The following ATRN variants were observed in gnomAD, a reference collection of about 807,000 sequenced individuals.
ATRN encodes the protein attractin-2.
A neutral mutation model predicts 178.7 loss-of-function variants in ATRN; 54 were observed. That is an observed-to-expected ratio of 0.30 (90% CI 0.24 to 0.38). The LOEUF is 0.38. Ranked by LOEUF, ATRN falls within the 10% of genes least tolerant of loss-of-function variation. ATRN has a pLI of 1.00. For missense variants in ATRN, 1,443 were observed against 1,815.1 expected, an observed-to-expected ratio of 0.79 and a Z score of 3.73; for synonymous variants, 636 against 663.0, an observed-to-expected ratio of 0.96 and a Z score of 0.63.
chr20:3,618,856 T>G (rs936780441), intron 24 of ATRN, among the ~76,000 whole-genome samples: 1 of 152,124 alleles, frequency 6.6e-6, no homozygotes, highest in Non-Finnish European at 1.5e-5. Flanking sequence ...TTGTTTCGTT[T>G]TTTAAGAAAA....
chr20:3,498,612 G>A (rs956433733), intron 1 of ATRN, among the ~76,000 whole-genome samples: 33 of 152,086 alleles, frequency 2.2e-4, no homozygotes, highest in African/African-American at 7.0e-4. Flanking sequence ...TGCAGAAAAG[G>A]CCTTTGACAA....
chr20:3,570,911 A>C (rs1371262024), intron 11 of ATRN, among the ~76,000 whole-genome samples: 2 of 152,196 alleles, frequency 1.3e-5, no homozygotes, highest in Non-Finnish European at 2.9e-5. Flanking sequence ...GGTTAAAGAG[A>C]AACTGTGGTG....
At chr20:3,565,796 CAAAAAAAAAAAAAA>C (rs10582104) in intron 11 of ATRN, among the ~76,000 whole-genome samples, 1 of 100,244 alleles carries the variant, frequency 1.0e-5, no homozygotes, top group Non-Finnish European at 2.0e-5. Flanking sequence ...GACTCTGTCT[CAAAAAAAAAAAAAA>C]AAAAAAAAAA....
intron 23 of ATRN, 27 bp downstream of exon 23, chr20:3,601,051 G>A (rs1368074597): frequency 9.7e-6 from 15 of 1,545,594 alleles, no homozygotes; most frequent in South Asian, 4.5e-5. Context: ...AGAAGACCCC[G>A]CAAATGAAGG....
chr20:3,532,727 G>A (rs2085470706), intron 1 of ATRN, among the ~76,000 whole-genome samples: 1 of 151,904 alleles, frequency 6.6e-6, no homozygotes, highest in Non-Finnish European at 1.5e-5. Context: ...TTGCTTATTT[G>A]AGTTGTCCCA....
chr20:3,521,808 G>A (rs925753309), intron 1 of ATRN, among the ~76,000 whole-genome samples: 12 of 152,192 alleles, frequency 7.9e-5, no homozygotes, highest in African/African-American at 2.9e-4. Flanking sequence ...TTTGAAGACA[G>A]GGTCTCGCTT....
chr20:3,543,419 T>C (rs1476472202), intron 3 of ATRN, among the ~76,000 whole-genome samples: 1 of 152,144 alleles, frequency 6.6e-6, no homozygotes, highest in African/African-American at 2.4e-5. Context: ...TAGAGTTCTG[T>C]CTTCATATTA....
intron 18 of ATRN, among the ~76,000 whole-genome samples, chr20:3,589,105 C>G (rs2086401973): frequency 6.6e-6 from 1 of 151,040 alleles, no homozygotes; most frequent in African/African-American, 2.4e-5. Context: ...GCCTCAGCCC[C>G]CCAAGTAGCT....
At chr20:3,580,622 G>A (rs2086269743) in intron 15 of ATRN, among the ~76,000 whole-genome samples, 1 of 152,200 alleles carries the variant, frequency 6.6e-6, no homozygotes, top group Admixed American at 6.5e-5. Context: ...GTCGAAGACG[G>A]AAGGGCTTTC....
chr20:3,548,355 C>CT (rs1400187526), intron 5 of ATRN, among the ~76,000 whole-genome samples: 1 of 152,084 alleles, frequency 6.6e-6, no homozygotes, highest in Non-Finnish European at 1.5e-5. Flanking sequence ...AATCCCAGCA[C>CT]TTTGGGAGGC....
chr20:3,633,443 C>A (rs921987003), intron 25 of ATRN, among the ~76,000 whole-genome samples: 2 of 152,164 alleles, frequency 1.3e-5, no homozygotes, highest in Non-Finnish European at 2.9e-5. Flanking sequence ...ATGAAGCTGA[C>A]CCCATCCTAC....
intron 24 of ATRN, among the ~76,000 whole-genome samples, chr20:3,612,351 T>A (rs1016009816): frequency 1.3e-5 from 2 of 152,214 alleles, no homozygotes; most frequent in African/African-American, 4.8e-5. Context: ...ACATATTGAA[T>A]AAGTATCCTG....
intron 15 of ATRN, among the ~76,000 whole-genome samples, chr20:3,580,042 A>T (rs998375975): frequency 6.6e-5 from 10 of 152,300 alleles, no homozygotes; most frequent in African/African-American, 2.4e-4. Context: ...GGCTACTGTG[A>T]CCACATTTGG....
chr20:3,509,799 C>G (rs1345267231), intron 1 of ATRN, among the ~76,000 whole-genome samples: 3 of 152,140 alleles, frequency 2.0e-5, no homozygotes, highest in Non-Finnish European at 4.4e-5. Flanking sequence ...CCACCACGCC[C>G]AGCCACAAAT....
At chr20:3,616,702 C>T (rs1276047565) in intron 24 of ATRN, among the ~76,000 whole-genome samples, 1 of 151,992 alleles carries the variant, frequency 6.6e-6, no homozygotes, top group Non-Finnish European at 1.5e-5. Flanking sequence ...AAGTCACCGA[C>T]GATCAGTGTT....
chr20:3,591,397 C>T, intron 19 of ATRN, 91 bp downstream of exon 19: 1 of 1,449,264 alleles, frequency 6.9e-7, no homozygotes, highest in Non-Finnish European at 9.4e-7. Context: ...AAAAAAGCCA[C>T]TTTGTTTTGG....
chr20:3,604,056 C>T (rs1303900110), intron 23 of ATRN, 49 bp from the exon 24 acceptor site: 8 of 1,507,324 alleles, frequency 5.3e-6, no homozygotes, highest in Non-Finnish European at 7.1e-6. Flanking sequence ...TGTTCTCCCC[C>T]TAGCCCCCCA....
intron 1 of ATRN, among the ~76,000 whole-genome samples, chr20:3,531,931 G>T (rs970355392): frequency 1.4e-4 from 22 of 152,068 alleles, no homozygotes; most frequent in Non-Finnish European, 2.1e-4. Flanking sequence ...TTCCCAGCCT[G>T]GACAACATAG....
chr20:3,605,929 A>G (rs1294506988), intron 24 of ATRN, among the ~76,000 whole-genome samples: 1 of 151,688 alleles, frequency 6.6e-6, no homozygotes, highest in African/African-American at 2.4e-5. Context: ...AAAAAAAGCA[A>G]GTTATCACTC....
Sources: allele counts gnomAD v4.1 joint callset (sites outside exome capture counted in the v4.1 genomes callset), GRCh38; gene constraint gnomAD v4.1.1; transcripts MANE v1.5; gene names NCBI Gene and HGNC (gene_info 2026-07-23, HGNC 2026-07-21).